CYLC1: variants seen among roughly 807,000 people sequenced by gnomAD.
CYLC1 encodes cylicin 1, also known as cylicin-1.
CYLC1 carries 2 observed loss-of-function variants against 31.6 expected under a neutral mutation model. The ratio of observed to expected loss-of-function variants is 0.06; its 90% confidence interval spans 0.03 to 0.20. CYLC1 has a LOEUF of 0.20. Ranked by LOEUF, CYLC1 falls within the 10% of genes least tolerant of loss-of-function variation. The probability of loss-of-function intolerance (pLI) is 1.00; values close to 1 mark genes in which losing one functional copy is unlikely to be tolerated. For synonymous variants in CYLC1, 185 were observed against 153.0 expected, an observed-to-expected ratio of 1.21 and a Z score of -1.54; for missense variants, 595 against 424.1, an observed-to-expected ratio of 1.40 and a Z score of -3.54.
Position 83,877,604 on chromosome X carries a change from T to G in CYLC1, c.1923+2973T>G, listed in dbSNP as rs749085315. ...CATGTGCTGTTTCCTCTGATTGGAA[T>G]ATTCCTCCCACAGATCTTTGCATGT... On this transcript the variant is annotated intron_variant, in intron 4 of 4. Coordinates refer to ENST00000329312, the MANE Select transcript of CYLC1 (RefSeq NM_021118.3). 4.6e-5 allele frequency among the ~76,000 whole-genome samples: 5 copies of G among 108,325 alleles called. No homozygotes were observed. In the East Asian group the frequency reaches 1.5e-3, roughly 32 times the overall value. 94.1% of individuals were successfully genotyped at this position (108,325 alleles called of 115,157 possible).
intron 2 of CYLC1, 62 bp from the exon 3 acceptor site, chrX:83,871,390 A>AG: frequency 1.3e-6 from 1 of 795,304 alleles, no homozygotes; most frequent in Non-Finnish European, 1.9e-6. Context: ...ACTCAAGAAT[A>AG]ATTCAGGTCT....
intron 4 of CYLC1, among the ~76,000 whole-genome samples, chrX:83,885,595 A>G (rs182010174): frequency 4.8e-4 from 53 of 109,409 alleles, no homozygotes; most frequent in African/African-American, 1.5e-3. Context: ...ACATTTATTC[A>G]CTGCTGACTT....
rs757223469 is a variant in CYLC1 at position 83,873,729 on chromosome X, A to C, written c.1021A>C (p.Lys341Gln). 1 of 1,188,712 alleles carries C rather than the reference A, an allele frequency of 8.4e-7. No homozygotes were observed. The change falls in exon 4 of 5, where the codon AAG becomes CAG. Residue 341 changes from lysine (K) to glutamine (Q), a missense_variant. Transcript: ENST00000329312. ...ESTDAESGDSKDERKDTKKDK... is the reference protein window; with the variant it reads ...ESTDAESGDSQDERKDTKKDK... ...TACTGATGCTGAATCTGGAGACTCA[A>C]AGGATGAAAGGAAAGATACAAAGAA...
Position 83,874,086 on chromosome X carries a change from G to C in CYLC1, c.1378G>C (p.Asp460His), listed in dbSNP as rs1361864812. 1 of 1,204,736 alleles carries C rather than the reference G, an allele frequency of 8.3e-7. No homozygotes were observed. Among genetic ancestry groups the C allele is most frequent in the Non-Finnish European group, 1.1e-6 (1 of 891,852 alleles). ...GGGAGATTCAAAAAAGGGTAAAAAGGATGAAAAGAAGGGGAAGAAAGATTC... is the reference window on the plus strand; with the variant it reads ...GGGAGATTCAAAAAAGGGTAAAAAGCATGAAAAGAAGGGGAAGAAAGATTC... ...PKGDSKKGKK[D>H]EKKGKKDSKK... The change falls in exon 4 of 5, where the codon GAT (aspartate) becomes CAT (histidine). Residue 460 changes from aspartate to histidine, a missense_variant. Coordinates refer to ENST00000329312, the MANE Select transcript of CYLC1 (RefSeq NM_021118.3).
At chrX:83,878,661 T>A (rs1433297183) in intron 4 of CYLC1, among the ~76,000 whole-genome samples, 1 of 99,397 alleles carries the variant, frequency 1.0e-5, no homozygotes, top group African/African-American at 3.7e-5. Context: ...CATTCGGATA[T>A]CCCTTTTTCC....
chrX:83,878,372 T>TATATATAA (rs2031846029), intron 4 of CYLC1, among the ~76,000 whole-genome samples: 1 of 5,927 alleles, frequency 1.7e-4, no homozygotes, highest in African/African-American at 5.2e-4. Context: ...TATATATAAA[T>TATATATAA]ATATATATAA....
In CYLC1 at chrX:83,873,744, G is replaced by A. The variant is rs1569334135; in HGVS notation, c.1036G>A (p.Asp346Asn). The A allele has an allele frequency of 3.4e-6, 4 of 1,192,621 alleles. No homozygotes were observed. The highest frequency in any genetic ancestry group is 3.0e-5 in the East Asian group (1 of 33,504). Residue 346 changes from aspartate (D) to asparagine (N), a missense_variant, in exon 4 of 5, where the codon GAT becomes AAT. Asp to Asn is a conservative substitution (Grantham distance 23). Coordinates refer to ENST00000329312, the MANE Select transcript of CYLC1 (RefSeq NM_021118.3). The part of the protein sequence containing the change: ...ESGDSKDERK[D>N]TKKDKKKLKK... ...TGGAGACTCAAAGGATGAAAGGAAAGATACAAAGAAGGATAAGAAAAAATT... is the reference window on the plus strand; with the variant it reads ...TGGAGACTCAAAGGATGAAAGGAAAAATACAAAGAAGGATAAGAAAAAATT...
intron 1 of CYLC1, among the ~76,000 whole-genome samples, chrX:83,862,943 A>G (rs1029319196): frequency 4.5e-5 from 5 of 111,502 alleles, no homozygotes; most frequent in Non-Finnish European, 9.4e-5. Context: ...TTATTCCTCA[A>G]TGCTATTTCC....
chrX:83,875,742 C>T (rs951976793), intron 4 of CYLC1, among the ~76,000 whole-genome samples: 1 of 111,395 alleles, frequency 9.0e-6, no homozygotes, highest in Non-Finnish European at 1.9e-5. Flanking sequence ...TATCAAGTCC[C>T]TATTCTACAT....
chrX:83,873,178 A>C lies in CYLC1; in HGVS notation c.470A>C (p.Glu157Ala), dbSNP rs768552244. The C allele has an allele frequency of 2.5e-6, 3 of 1,204,970 alleles. No homozygotes were observed. Among genetic ancestry groups the C allele is most frequent in the Non-Finnish European group, 3.4e-6 (3 of 892,493 alleles). The part of the protein sequence containing the change: ...IVEEKTKRQN[E>A]ADKTPLKSSH... ...GAAGAGAAAACTAAAAGACAAAATG[A>C]GGCAGATAAAACTCCCTTAAAATCA... The change falls in exon 4 of 5, where the codon GAG becomes GCG. Residue 157 changes from glutamate to alanine, a missense_variant. Glu to Ala is a moderately radical substitution (Grantham distance 107). Transcript: ENST00000329312.
At chrX:83,886,449 A>G (rs1035931745) in intron 4 of CYLC1, 103 bp from the exon 5 acceptor site, 5 of 752,943 alleles carry the variant, frequency 6.6e-6, no homozygotes, top group African/African-American at 2.1e-5. Context: ...TTCAACTATG[A>G]CAGTCTGTGC....
chrX:83,886,311 C>G (rs1379006433), intron 4 of CYLC1, among the ~76,000 whole-genome samples: 1 of 111,178 alleles, frequency 9.0e-6, no homozygotes, highest in Admixed American at 9.6e-5. Context: ...TAAGATTATT[C>G]AGGGAGCTTG....
chrX:83,878,708 A>G (rs1020995279), intron 4 of CYLC1, among the ~76,000 whole-genome samples: 2 of 103,159 alleles, frequency 1.9e-5, no homozygotes, highest in Non-Finnish European at 3.9e-5. Flanking sequence ...TAAAACAAGT[A>G]TTTTTTTAAG....
At chrX:83,879,990 C>T (rs1911509456) in intron 4 of CYLC1, among the ~76,000 whole-genome samples, 1 of 111,680 alleles carries the variant, frequency 9.0e-6, no homozygotes, top group African/African-American at 3.3e-5. Flanking sequence ...GTTTAAATAT[C>T]TTTTGAATGT....
intron 1 of CYLC1, among the ~76,000 whole-genome samples, chrX:83,869,348 A>G (rs1429857751): frequency 3.6e-5 from 4 of 110,159 alleles, no homozygotes; most frequent in Non-Finnish European, 1.9e-5. Flanking sequence ...GTTATTTTTT[A>G]TGATCCTCTC....
intron 1 of CYLC1, among the ~76,000 whole-genome samples, chrX:83,867,634 C>T (rs1417520885): frequency 9.0e-6 from 1 of 111,038 alleles, no homozygotes; most frequent in African/African-American, 3.3e-5. Flanking sequence ...GACTAGCCCC[C>T]ATTCTTCCTC....
chrX:83,882,676 A>G (rs900939616), intron 4 of CYLC1, among the ~76,000 whole-genome samples: 12 of 110,663 alleles, frequency 1.1e-4, no homozygotes, highest in African/African-American at 3.6e-4. Context: ...GTTGTTTTCT[A>G]TGGCTCAGTT....
At chrX:83,880,681 A>G (rs1460931683) in intron 4 of CYLC1, among the ~76,000 whole-genome samples, 4 of 111,513 alleles carry the variant, frequency 3.6e-5, no homozygotes. Context: ...GACCTTCCCT[A>G]TAGGAAAATG....
At chrX:83,884,860 G>T (rs751209075) in intron 4 of CYLC1, among the ~76,000 whole-genome samples, 2 of 110,561 alleles carry the variant, frequency 1.8e-5, no homozygotes, top group African/African-American at 6.6e-5. Flanking sequence ...ACCTCTGACT[G>T]TCAATAATAA....
Sources: allele counts gnomAD v4.1 joint callset (sites outside exome capture counted in the v4.1 genomes callset), GRCh38; gene constraint gnomAD v4.1.1; transcripts MANE v1.5; gene names NCBI Gene and HGNC (gene_info 2026-07-23, HGNC 2026-07-21).